The following DLGAP2 variants were observed in gnomAD, a reference collection of about 807,000 sequenced individuals.
DLGAP2 encodes the protein disks large-associated protein 2.
Under a neutral mutation model 100.3 loss-of-function variants are expected in DLGAP2, and 26 were observed. The observed-to-expected ratio is 0.26, with a 90% CI of 0.19 to 0.36. The LOEUF (loss-of-function observed/expected upper bound fraction) is 0.36. Among genes scored for constraint, DLGAP2 ranks in the 10% least tolerant of loss-of-function variants. The probability of loss-of-function intolerance (pLI) is 1.00; values close to 1 mark genes in which losing one functional copy is unlikely to be tolerated. For synonymous variants in DLGAP2, 886 were observed against 630.1 expected (o/e 1.41, Z -6.08); for missense variants, 1,858 against 1,453.2 (o/e 1.28, Z -4.53).
intron 6 of DLGAP2, among the ~76,000 whole-genome samples, chr8:1,570,814 GA>G (rs2130595588): frequency 6.8e-6 from 1 of 147,196 alleles, no homozygotes; most frequent in Non-Finnish European, 1.5e-5. Context: ...GAACTGTGGG[GA>G]TGTCTGATGA....
chr8:1,197,789 C>T (rs190633553), intron 2 of DLGAP2, among the ~76,000 whole-genome samples: 14 of 152,360 alleles, frequency 9.2e-5, no homozygotes, highest in Admixed American at 2.0e-4. Context: ...CCACATGAAC[C>T]GCACTACCTT....
chr8:1,670,346 C>T (rs950953495), intron 10 of DLGAP2, among the ~76,000 whole-genome samples: 1 of 152,240 alleles, frequency 6.6e-6, no homozygotes, highest in Non-Finnish European at 1.5e-5. Context: ...CCTCCGTGGT[C>T]AGCCCTCTTC....
chr8:1,675,626 A>C (rs1011935861), intron 10 of DLGAP2, among the ~76,000 whole-genome samples: 1 of 152,150 alleles, frequency 6.6e-6, no homozygotes, highest in African/African-American at 2.4e-5. Context: ...CATGCTTTGC[A>C]CCTTTTCCTT....
intron 3 of DLGAP2, among the ~76,000 whole-genome samples, chr8:1,322,369 A>G (rs1322515002): frequency 6.6e-6 from 1 of 152,278 alleles, no homozygotes; most frequent in African/African-American, 2.4e-5. Flanking sequence ...CAGGACATGT[A>G]TTAATAGAGA....
In DLGAP2 at chr8:1,214,404, C is replaced by G. The variant is rs538504599; in HGVS notation, c.74-44447C>G. Among the ~76,000 whole-genome samples, 34 of 152,286 alleles carry G rather than the reference C, an allele frequency of 2.2e-4. No individual in the cohort carries two copies. The South Asian group carries it at 5.6e-3, about 25-fold the overall frequency. ...CATTGCTGATGACAGAAGGGCATCT[C>G]GTAGATTGGGACTGCAGGTAGCAAG... is the stretch of plus-strand genomic sequence containing the variant. On this transcript the variant is annotated intron_variant, in intron 2 of 14. Coordinates refer to ENST00000637795, the MANE Select transcript of DLGAP2 (RefSeq NM_001346810.2).
intron 3 of DLGAP2, among the ~76,000 whole-genome samples, chr8:1,306,267 A>G (rs1017334329): frequency 6.6e-6 from 1 of 152,160 alleles, no homozygotes; most frequent in Non-Finnish European, 1.5e-5. Context: ...ATTAACACAC[A>G]AAAATCACTA....
At chr8:1,526,286 C>T (rs897529619) in intron 4 of DLGAP2, among the ~76,000 whole-genome samples, 5 of 151,934 alleles carry the variant, frequency 3.3e-5, no homozygotes, top group East Asian at 2.0e-4. Flanking sequence ...TCTGTGACAG[C>T]GCCTCACCTG....
At chr8:1,200,409 T>G (rs1797845619) in intron 2 of DLGAP2, among the ~76,000 whole-genome samples, 1 of 152,246 alleles carries the variant, frequency 6.6e-6, no homozygotes, top group Non-Finnish European at 1.5e-5. Flanking sequence ...GGACAGTCAC[T>G]AGCAGTTGTT....
In DLGAP2 at chr8:882,000, C is replaced by T. The variant is rs1797809382; in HGVS notation, c.19-25912C>T. 2.0e-5 allele frequency among the ~76,000 whole-genome samples: 3 copies of T among 152,196 alleles called. No homozygotes were observed. In the South Asian group the frequency reaches 6.2e-4, roughly 31 times the overall value. On this transcript the variant is annotated intron_variant, in intron 1 of 14. Transcript: ENST00000637795. ...GCCTCGTGTGGTATATTCCACCTTTCCAGAGGGCATAAGTGCTCACCTGTG... is the reference window on the plus strand; with the variant it reads ...GCCTCGTGTGGTATATTCCACCTTTTCAGAGGGCATAAGTGCTCACCTGTG...
At chr8:848,307 CTGTTCCAGTATAGGATCGTGCGGTGCG>C (rs1797109597) in intron 1 of DLGAP2, among the ~76,000 whole-genome samples, 5 of 144,994 alleles carry the variant, frequency 3.4e-5, no homozygotes, top group South Asian at 2.2e-4. Flanking sequence ...CGTGCGGTGC[CTGTTCCAGTATAGGATCGTGCGGTGCG>C]TGTTCCAGTA....
Position 1,344,759 on chromosome 8 carries a change from C to T in DLGAP2, c.106+85876C>T, listed in dbSNP as rs531621013. ...GCTCGGCTCCATTTTCTGCACTCCT[C>T]CTTGGGGATCACTGGTAACTGAGGC... On this transcript the variant is annotated intron_variant, in intron 3 of 14. Coordinates refer to ENST00000637795, the MANE Select transcript of DLGAP2 (RefSeq NM_001346810.2). Among the ~76,000 whole-genome samples, 66 of 152,328 alleles carry T rather than the reference C, an allele frequency of 4.3e-4. No homozygotes were observed. In the South Asian group the frequency reaches 5.4e-3, roughly 12 times the overall value.
chr8:965,520 G>A (rs1346445694), intron 2 of DLGAP2, among the ~76,000 whole-genome samples: 1 of 122,580 alleles, frequency 8.2e-6, no homozygotes. Flanking sequence ...TCTGACCCCT[G>A]CGCTGCACAC....
chr8:1,638,678 C>T (rs566863338), intron 8 of DLGAP2, among the ~76,000 whole-genome samples: 4 of 152,192 alleles, frequency 2.6e-5, no homozygotes, highest in East Asian at 1.9e-4. Flanking sequence ...TCTGGGGAGC[C>T]GTGAAGAGGC....
chr8:1,673,538 C>T (rs1798740218), intron 10 of DLGAP2, among the ~76,000 whole-genome samples: 1 of 152,338 alleles, frequency 6.6e-6, no homozygotes, highest in African/African-American at 2.4e-5. Context: ...AAAATCTGCA[C>T]AGTTCATCAT....
At chr8:1,260,890 C>G (rs1480162817) in intron 3 of DLGAP2, among the ~76,000 whole-genome samples, 1 of 152,200 alleles carries the variant, frequency 6.6e-6, no homozygotes, top group Non-Finnish European at 1.5e-5. Flanking sequence ...CCTCTCAGGC[C>G]CAGCACCACT....
At chr8:774,956 C>T (rs1245820389) in intron 1 of DLGAP2, among the ~76,000 whole-genome samples, 7 of 150,202 alleles carry the variant, frequency 4.7e-5, no homozygotes, top group South Asian at 2.1e-4. Context: ...GCCATTTTCA[C>T]GATATTGATT....
chr8:1,529,725 A>T (rs1800922201), intron 4 of DLGAP2, among the ~76,000 whole-genome samples: 1 of 152,226 alleles, frequency 6.6e-6, no homozygotes, highest in Non-Finnish European at 1.5e-5. Context: ...TTATCAGGGA[A>T]CCTGCCCCGA....
At chr8:1,490,373 C>T (rs1327988987) in intron 3 of DLGAP2, among the ~76,000 whole-genome samples, 1 of 152,210 alleles carries the variant, frequency 6.6e-6, no homozygotes, top group African/African-American at 2.4e-5. Flanking sequence ...AGGCATCCAT[C>T]AGGTGCAGAA....
chr8:844,724 T>C (rs1003875932), intron 1 of DLGAP2, among the ~76,000 whole-genome samples: 1 of 152,246 alleles, frequency 6.6e-6, no homozygotes, highest in Admixed American at 6.5e-5. Flanking sequence ...TTAACAAATT[T>C]ACTTATCTGT....
Sources: allele counts gnomAD v4.1 joint callset (sites outside exome capture counted in the v4.1 genomes callset), GRCh38; gene constraint gnomAD v4.1.1; transcripts MANE v1.5; gene names NCBI Gene and HGNC (gene_info 2026-07-23, HGNC 2026-07-21).